The following SCMH1 variants were observed in gnomAD, a reference collection of about 807,000 sequenced individuals.
The protein encoded by SCMH1 is Scm polycomb group protein homolog 1, also known as polycomb protein SCMH1.
A neutral mutation model predicts 70.8 loss-of-function variants in SCMH1; 37 were observed. The observed-to-expected ratio is 0.52, with a 90% CI of 0.40 to 0.69. The LOEUF (loss-of-function observed/expected upper bound fraction) is 0.69. SCMH1 is among the 30% of genes least tolerant of loss of function. SCMH1 has a pLI of 0.00. For synonymous variants in SCMH1, 292 were observed against 307.4 expected (o/e 0.95, Z 0.52); for missense variants, 607 against 827.3 (o/e 0.73, Z 3.27).
chr1:41,051,593 C>T (rs1445721282), intron 10 of SCMH1, among the ~76,000 whole-genome samples: 1 of 151,432 alleles, frequency 6.6e-6, no homozygotes, highest in African/African-American at 2.4e-5. Context: ...TAGGCCTAGG[C>T]TAATGTGTGT....
intron 1 of SCMH1, among the ~76,000 whole-genome samples, chr1:41,230,650 C>T (rs547891605): frequency 6.7e-6 from 1 of 150,342 alleles, no homozygotes; most frequent in East Asian, 1.9e-4. Context: ...AAAGCAAGAC[C>T]CTATGTCTTA....
chr1:41,240,162 G>T (rs1663225605), intron 1 of SCMH1, among the ~76,000 whole-genome samples: 1 of 152,132 alleles, frequency 6.6e-6, no homozygotes, highest in South Asian at 2.1e-4. Flanking sequence ...GTGCTACAAA[G>T]TTCAAAACTA....
exon 15 of SCMH1, chr1:41,027,849 G>C (rs1406659314): frequency 4.0e-6 from 1 of 253,016 alleles, no homozygotes; most frequent in South Asian, 9.8e-5. Context: ...GCCACAGCAA[G>C]ACCAGGACAG....
At chr1:41,048,394 A>G (rs948903932) in intron 11 of SCMH1, among the ~76,000 whole-genome samples, 7 of 152,174 alleles carry the variant, frequency 4.6e-5, no homozygotes, top group East Asian at 1.9e-4. Context: ...CTGCCACAAC[A>G]TAGCCCCCTC....
intron 8 of SCMH1, among the ~76,000 whole-genome samples, chr1:41,080,364 C>T (rs1659622528): frequency 6.6e-6 from 1 of 152,014 alleles, no homozygotes; most frequent in East Asian, 1.9e-4. Context: ...GGAACACTTC[C>T]CATTTCATTT....
At chr1:41,154,645 G>A (rs1481342180) in intron 4 of SCMH1, among the ~76,000 whole-genome samples, 2 of 152,102 alleles carry the variant, frequency 1.3e-5, no homozygotes, top group Non-Finnish European at 2.9e-5. Context: ...TAAAGTTTAC[G>A]AGGTAGTACA....
intron 8 of SCMH1, chr1:41,098,993 A>C (rs1272510314): frequency 3.8e-6 from 1 of 259,858 alleles, no homozygotes; most frequent in Non-Finnish European, 7.5e-6. Flanking sequence ...CAAGTACCAG[A>C]TCAAACAGGT....
chr1:41,075,304 A>C (rs907277256), exon 9 of SCMH1: 3 of 1,614,124 alleles, frequency 1.9e-6, no homozygotes, highest in Non-Finnish European at 1.7e-6. Flanking sequence ...ATGGGAAATT[A>C]GGGTCTTGGG....
intron 6 of SCMH1, among the ~76,000 whole-genome samples, chr1:41,132,266 T>C (rs879505053): frequency 3.3e-5 from 5 of 152,236 alleles, no homozygotes; most frequent in Non-Finnish European, 7.3e-5. Flanking sequence ...GGTATCTCAC[T>C]GTGATTTTGA....
intron 1 of SCMH1, among the ~76,000 whole-genome samples, chr1:41,225,576 G>A (rs1660107908): frequency 6.6e-6 from 1 of 152,152 alleles, no homozygotes; most frequent in Admixed American, 6.5e-5. Context: ...TAAAAGTAGT[G>A]ACCAATTCCA....
At chr1:41,193,108 G>C (rs1359825279) in intron 1 of SCMH1, among the ~76,000 whole-genome samples, 1 of 152,184 alleles carries the variant, frequency 6.6e-6, no homozygotes, top group Non-Finnish European at 1.5e-5. Flanking sequence ...TACTAACCTA[G>C]AGGAATCCTT....
chr1:41,146,986 CAAAGTAGTTG>C (rs2148279200), intron 5 of SCMH1, among the ~76,000 whole-genome samples: 1 of 152,184 alleles, frequency 6.6e-6, no homozygotes, highest in South Asian at 2.1e-4. Context: ...CCACCCCACC[CAAAGTAGTTG>C]AACCATTCTG....
chr1:41,059,343 A>C (rs1651744245), intron 10 of SCMH1, among the ~76,000 whole-genome samples: 1 of 152,146 alleles, frequency 6.6e-6, no homozygotes, highest in African/African-American at 2.4e-5. Flanking sequence ...ATAAACCCCA[A>C]ACCCCAGGAT....
intron 8 of SCMH1, among the ~76,000 whole-genome samples, chr1:41,093,377 G>GCATTAGGA (rs1664175602): frequency 7.9e-6 from 1 of 125,886 alleles, no homozygotes; most frequent in South Asian, 3.3e-4. Context: ...GTCATGGGGT[G>GCATTAGGA]GGGGGAGGGG....
chr1:41,038,463 TG>T (rs1439878705), intron 12 of SCMH1, among the ~76,000 whole-genome samples: 1 of 152,120 alleles, frequency 6.6e-6, no homozygotes, highest in Non-Finnish European at 1.5e-5. Flanking sequence ...AGACATCAAG[TG>T]TTTAGGTAAT....
chr1:41,085,512 C>A (rs1331920018), intron 8 of SCMH1, among the ~76,000 whole-genome samples: 6 of 152,040 alleles, frequency 3.9e-5, no homozygotes, highest in African/African-American at 1.5e-4. Flanking sequence ...GAGGTATTAA[C>A]CAAAGTATTA....
At chr1:41,109,671 T>C (rs1014344556) in intron 8 of SCMH1, among the ~76,000 whole-genome samples, 7 of 152,166 alleles carry the variant, frequency 4.6e-5, no homozygotes, top group African/African-American at 1.7e-4. Context: ...CTCTCTACCT[T>C]CTGAGCCTGG....
intron 6 of SCMH1, among the ~76,000 whole-genome samples, chr1:41,130,987 G>T (rs1157860562): frequency 2.0e-5 from 3 of 152,038 alleles, no homozygotes; most frequent in African/African-American, 7.3e-5. Flanking sequence ...CTAATCCAAG[G>T]TCATGAAGAT....
At chr1:41,169,379 A>G (rs192850345) in intron 2 of SCMH1, among the ~76,000 whole-genome samples, 1 of 152,200 alleles carries the variant, frequency 6.6e-6, no homozygotes, top group East Asian at 1.9e-4. Flanking sequence ...CTTCTGGAGA[A>G]CAAATGGGAC....
Sources: allele counts gnomAD v4.1 joint callset (sites outside exome capture counted in the v4.1 genomes callset), GRCh38; gene constraint gnomAD v4.1.1; transcripts MANE v1.5; gene names NCBI Gene and HGNC (gene_info 2026-07-23, HGNC 2026-07-21).